IGSF23: variants seen among roughly 807,000 people sequenced by gnomAD.
IGSF23 encodes immunoglobulin superfamily member 23, also known as immunoglobulin superfamily, member 23.
In IGSF23, 14 loss-of-function variants were observed where a neutral mutation model predicts 17.8. The ratio of observed to expected loss-of-function variants is 0.79; its 90% CI spans 0.52 to 1.23. IGSF23 has a LOEUF of 1.23. Ranked by LOEUF, IGSF23 falls within the 50% of genes most tolerant of loss-of-function variation. The pLI, the probability that IGSF23 is intolerant of heterozygous loss-of-function variation, is 0.00. For missense variants in IGSF23, 214 were observed against 241.7 expected (o/e 0.89, Z 0.76); for synonymous variants, 85 against 92.5 (o/e 0.92, Z 0.46).
intron 1 of IGSF23, among the ~76,000 whole-genome samples, chr19:44,622,208 GA>G (rs1250112959): frequency 0.039 from 4,481 of 113,666 alleles, 185 homozygotes; most frequent in African/African-American, 0.12. Flanking sequence ...TCCGTTTCAA[GA>G]AAAAAAAAAA....
At chr19:44,618,206 G>T (rs199837758) in intron 1 of IGSF23, 1 of 470,952 alleles carries the variant, frequency 2.1e-6, no homozygotes, top group South Asian at 1.5e-5. Flanking sequence ...TTCTCACCAC[G>T]TCTTGGTTCT....
At position 44,613,644 on chromosome 19, in the gene IGSF23, G is replaced by A. The variant is rs1208944742; in HGVS notation, c.-2G>A. The stretch of plus-strand genomic sequence containing the variant: ...TCCCGGCGGGGATTGTACGGTGAGA[G>A]AATGAGAGCAAAACCTCAGAGCCCC... On this transcript the variant is annotated 5_prime_UTR_variant, in exon 1 of 5. Transcript: ENST00000402988. 7 of 1,545,716 alleles carry A rather than the reference G, an allele frequency of 4.5e-6. No homozygotes were observed. In the East Asian group the frequency reaches 1.2e-4, roughly 27 times the overall value.
chr19:44,634,373 T>C (rs1972838306), intron 3 of IGSF23, among the ~76,000 whole-genome samples: 1 of 152,236 alleles, frequency 6.6e-6, no homozygotes, highest in African/African-American at 2.4e-5. Context: ...TGCTGATTAT[T>C]TCTACATTCT....
At position 44,636,729 on chromosome 19, in the gene IGSF23, CTTTT is replaced by C. The variant is rs754903623; in HGVS notation, c.*348_*351del. ...CAAAATATGTCTTTTACACATGCTG[CTTTT>C]TTTTTCTCTTTTTCAAAAAGAACCA... On this transcript the variant is annotated 3_prime_UTR_variant, in exon 5 of 5. Coordinates refer to ENST00000402988, the MANE Select transcript of IGSF23 (RefSeq NM_001205280.2). 2.6e-5 allele frequency: 4 copies of C among 151,544 alleles called. No homozygotes were observed. Among genetic ancestry groups the C allele is most frequent in the Admixed American group, 6.6e-5 (1 of 15,186 alleles). 9.4% of individuals were successfully genotyped at this position (151,544 alleles called of 1,614,324 possible).
In IGSF23 at chr19:44,623,906, T is replaced by C. The variant is rs916155565; in HGVS notation, c.325T>C (p.Tyr109His). 6.4e-7 allele frequency: 1 copy of C among 1,550,684 alleles called. No individual in the cohort carries two copies. Among genetic ancestry groups the C allele is most frequent in the Non-Finnish European group, 8.7e-7 (1 of 1,147,054 alleles). Residue 109 changes from tyrosine to histidine, a missense_variant, in exon 2 of 5, where the codon TAC becomes CAC. Transcript: ENST00000402988. The stretch of plus-strand genomic sequence containing the variant: ...GTTGTCCTGTGAGCAGCTGGGCACC[T>C]ACATGTGCATAGCCACAAACAGCAA... ...RRLSCEQLGT[Y>H]MCIATNSKKQ...
At chr19:44,621,837 A>T (rs1029378334) in intron 1 of IGSF23, among the ~76,000 whole-genome samples, 10 of 152,190 alleles carry the variant, frequency 6.6e-5, no homozygotes, top group Non-Finnish European at 1.5e-5. Context: ...AATGTTGATC[A>T]CAGTCTACTA....
chr19:44,619,070 AGC>A lies in IGSF23; in HGVS notation c.126-4636_126-4635del, dbSNP rs1972453756. Reference sequence around the variant, plus strand: ...GCCAGCATCTGCTCAGCTTCTAAGGAGCCCTCAGGGAGCTTTTAATCATAGCG... The same window carrying A: ...GCCAGCATCTGCTCAGCTTCTAAGGACCTCAGGGAGCTTTTAATCATAGCG... On this transcript the variant is annotated intron_variant, in intron 1 of 4. Transcript: ENST00000402988. Among the ~76,000 whole-genome samples, 3 of 152,118 alleles carry A rather than the reference AGC, an allele frequency of 2.0e-5. No homozygotes were observed. The South Asian group carries it at 6.2e-4, about 32-fold the overall frequency.
chr19:44,616,421 G>C (rs1268815326), intron 1 of IGSF23, among the ~76,000 whole-genome samples: 1 of 152,144 alleles, frequency 6.6e-6, no homozygotes. Flanking sequence ...GAAACAGCCA[G>C]GCGTGGTGGC....
At chr19:44,634,991 C>A (rs1040590506) in intron 3 of IGSF23, among the ~76,000 whole-genome samples, 1 of 152,094 alleles carries the variant, frequency 6.6e-6, no homozygotes, top group Non-Finnish European at 1.5e-5. Flanking sequence ...GCTGCTGTAA[C>A]AAAAATGCTA....
At chr19:44,630,829 G>A (rs2123726309) in intron 3 of IGSF23, among the ~76,000 whole-genome samples, 2 of 152,346 alleles carry the variant, frequency 1.3e-5, no homozygotes, top group South Asian at 4.1e-4. Context: ...CCAAGGGCCA[G>A]GAGAGATCCC....
At chr19:44,623,551 T>C (rs1393532423) in intron 1 of IGSF23, among the ~76,000 whole-genome samples, 156 bp from the exon 2 acceptor site, 2 of 152,208 alleles carry the variant, frequency 1.3e-5, no homozygotes, top group African/African-American at 4.8e-5. Flanking sequence ...CTGGGGGCAC[T>C]GGGCACAGAC....
At chr19:44,621,997 G>A (rs1004391961) in intron 1 of IGSF23, among the ~76,000 whole-genome samples, 2 of 152,044 alleles carry the variant, frequency 1.3e-5, no homozygotes, top group Admixed American at 1.3e-4. Context: ...CGAGGCGGGT[G>A]GATCACCTGA....
intron 2 of IGSF23, among the ~76,000 whole-genome samples, chr19:44,624,376 C>G (rs1255357404): frequency 6.6e-6 from 1 of 151,678 alleles, no homozygotes; most frequent in African/African-American, 2.4e-5. Context: ...CCTCTGCCTC[C>G]CAGGTTCAAG....
At chr19:44,617,353 T>C (rs1186011129) in intron 1 of IGSF23, among the ~76,000 whole-genome samples, 2 of 152,054 alleles carry the variant, frequency 1.3e-5, no homozygotes, top group African/African-American at 4.8e-5. Flanking sequence ...ATTCTGTGAG[T>C]ATACTAAAAG....
rs1273398041 is a variant in IGSF23, at chr19:44,613,703, C to A, written c.58C>A (p.Pro20Thr). ...GAACCCTGTCCCAGCCTGGTCCCCACCCACCACCACCACTGACCCGATGCT... is the reference window on the plus strand; with the variant it reads ...GAACCCTGTCCCAGCCTGGTCCCCAACCACCACCACCACTGACCCGATGCT... Reference protein sequence around the residue: ...PRNPVPAWSPPTTTTDPMLEK... With the variant: ...PRNPVPAWSPTTTTTDPMLEK... The change falls in exon 1 of 5, where the codon CCC becomes ACC. Residue 20 changes from proline to threonine, a missense_variant. Physicochemically the swap from Pro to Thr is conservative, Grantham distance 38. Coordinates refer to ENST00000402988, the MANE Select transcript of IGSF23 (RefSeq NM_001205280.2). 1.9e-6 allele frequency: 3 copies of A among 1,550,306 alleles called. No individual in the cohort carries two copies. The highest frequency in any genetic ancestry group is 2.7e-5 in the African/African-American group (2 of 73,008).
intron 3 of IGSF23, among the ~76,000 whole-genome samples, chr19:44,633,150 T>C (rs1972806227): frequency 6.6e-6 from 1 of 152,248 alleles, no homozygotes; most frequent in Non-Finnish European, 1.5e-5. Flanking sequence ...CCGTTCACAG[T>C]CTTGCTCAGC....
At chr19:44,616,863 T>C (rs919973093) in intron 1 of IGSF23, among the ~76,000 whole-genome samples, 1 of 149,692 alleles carries the variant, frequency 6.7e-6, no homozygotes, top group African/African-American at 2.5e-5. Flanking sequence ...ATATGAGTAA[T>C]ACCATATATG....
chr19:44,619,141 G>C (rs752050298), intron 1 of IGSF23, among the ~76,000 whole-genome samples: 31 of 152,102 alleles, frequency 2.0e-4, no homozygotes, highest in Non-Finnish European at 4.3e-4. Context: ...ACAGGAGCAA[G>C]AGAAAGAGAG....
chr19:44,633,971 ATG>A (rs1972827301), intron 3 of IGSF23, among the ~76,000 whole-genome samples: 1 of 152,190 alleles, frequency 6.6e-6, no homozygotes, highest in African/African-American at 2.4e-5. Flanking sequence ...TGACTCCTGT[ATG>A]TGTTTGTACC....
Sources: gnomAD v4.1 joint callset for allele counts (sites outside exome capture counted in the v4.1 genomes callset) on GRCh38, gnomAD v4.1.1 for gene constraint, MANE v1.5 for transcripts, NCBI Gene and HGNC (gene_info 2026-07-23, HGNC 2026-07-21) for gene names.